The following CNTN3 variants were observed in gnomAD, a reference collection of about 807,000 sequenced individuals.
CNTN3 encodes the protein contactin-3.
In CNTN3, 60 loss-of-function variants were observed where a neutral mutation model predicts 119.1. The observed-to-expected ratio is 0.50, with a 90% CI of 0.41 to 0.62. CNTN3 has a LOEUF of 0.62. Among genes scored for constraint, CNTN3 ranks in the 20% least tolerant of loss-of-function variants. The probability of loss-of-function intolerance (pLI) is 0.00; values close to 1 mark genes in which losing one functional copy is unlikely to be tolerated. For synonymous variants in CNTN3, 450 were observed against 438.7 expected, an observed-to-expected ratio of 1.03 and a Z score of -0.32; for missense variants, 1,101 against 1,242.4, an observed-to-expected ratio of 0.89 and a Z score of 1.71.
At chr3:74,299,596 G>A (rs1487532182) in intron 17 of CNTN3, among the ~76,000 whole-genome samples, 2 of 152,152 alleles carry the variant, frequency 1.3e-5, no homozygotes, top group East Asian at 3.8e-4. Context: ...AGGATGACAT[G>A]AGGAAAATAC....
intron 13 of CNTN3, among the ~76,000 whole-genome samples, chr3:74,318,850 G>A (rs1702906345): frequency 6.6e-6 from 1 of 152,152 alleles, no homozygotes; most frequent in Non-Finnish European, 1.5e-5. Context: ...ATTTCCAGCT[G>A]CATGCTGGGA....
rs115135442 is a variant in CNTN3 at position 74,456,613 on chromosome 3, G to A, written c.358+29843C>T. ...GAGGTATGTGCTGGTGAAAGTACCC[G>A]ACATTCGCACAGGTGGCAGGTGTGG... On this transcript the variant is annotated intron_variant, in intron 4 of 22. Transcript: ENST00000263665. 5.6e-3 allele frequency among the ~76,000 whole-genome samples: 855 copies of A among 152,178 alleles called. 7 individuals are homozygous for A. Among genetic ancestry groups the A allele is most frequent in the African/African-American group, 0.02 (824 of 41,544 alleles).
At chr3:74,499,526 T>C (rs1443992003) in intron 3 of CNTN3, 133 bp downstream of exon 3, 3 of 724,246 alleles carry the variant, frequency 4.1e-6, no homozygotes, top group South Asian at 2.2e-5. Context: ...CTGTTGAATA[T>C]ATCATACAAC....
chr3:74,361,915 C>T lies in CNTN3; in HGVS notation c.1339G>A (p.Asp447Asn), dbSNP rs756127880. ...PRALSSWKKG[D>N]VSVQEHERIS... ...CTTTCATGCTCCTGCACGCTCACAT[C>T]CCCCTTCTTCCAGGAAGAGAGTGCC... The change falls in exon 11 of 23, where the codon GAT (aspartate) becomes AAT (asparagine). Residue 447 changes from aspartate to asparagine, a missense_variant. Transcript: ENST00000263665. The T allele has an allele frequency of 1.2e-6, 2 of 1,613,082 alleles. No homozygotes were observed. Among genetic ancestry groups the T allele is most frequent in the African/African-American group, 1.3e-5 (1 of 74,860 alleles).
At chr3:74,505,740 T>G (rs1217700411) in intron 2 of CNTN3, among the ~76,000 whole-genome samples, 1 of 151,858 alleles carries the variant, frequency 6.6e-6, no homozygotes, top group African/African-American at 2.4e-5. Context: ...GAAAGGAAAA[T>G]AAAATACTTA....
At chr3:74,565,812 T>C (rs1261470336) in intron 1 of CNTN3, among the ~76,000 whole-genome samples, 1 of 152,138 alleles carries the variant, frequency 6.6e-6, no homozygotes, top group Non-Finnish European at 1.5e-5. Flanking sequence ...TGTATTGACA[T>C]GGTTTGGCTG....
intron 4 of CNTN3, among the ~76,000 whole-genome samples, chr3:74,473,418 T>C (rs1702600765): frequency 1.3e-5 from 2 of 152,220 alleles, no homozygotes; most frequent in African/African-American, 4.8e-5. Context: ...TTGGCCTATT[T>C]AGTGCTTTTA....
At chr3:74,518,595 C>T (rs1401499741) in intron 2 of CNTN3, among the ~76,000 whole-genome samples, 2 of 151,920 alleles carry the variant, frequency 1.3e-5, no homozygotes, top group Non-Finnish European at 2.9e-5. Context: ...AGTCCAGAGG[C>T]ATTCTTGATC....
At chr3:74,297,008 G>A (rs1342346087) in intron 18 of CNTN3, among the ~76,000 whole-genome samples, 1 of 151,960 alleles carries the variant, frequency 6.6e-6, no homozygotes, top group Non-Finnish European at 1.5e-5. Flanking sequence ...CTCAATATCT[G>A]AGACAGGTAT....
intron 4 of CNTN3, among the ~76,000 whole-genome samples, chr3:74,445,073 T>A (rs184787116): frequency 3.9e-5 from 6 of 152,290 alleles, no homozygotes; most frequent in Admixed American, 2.0e-4. Flanking sequence ...ACTACTGCGG[T>A]ATTGCTCCAC....
intron 2 of CNTN3, among the ~76,000 whole-genome samples, chr3:74,501,886 G>T (rs895560447): frequency 6.6e-6 from 1 of 151,814 alleles, no homozygotes; most frequent in South Asian, 2.1e-4. Flanking sequence ...ATTTAAAAGA[G>T]GCAATATTGC....
chr3:74,523,400 T>C (rs1703571697), intron 1 of CNTN3, among the ~76,000 whole-genome samples: 1 of 151,870 alleles, frequency 6.6e-6, no homozygotes, highest in Admixed American at 6.6e-5. Context: ...TGAGATACAT[T>C]AATCTGATAC....
At chr3:74,315,925 TA>T (rs966042259) in intron 13 of CNTN3, among the ~76,000 whole-genome samples, 5 of 152,180 alleles carry the variant, frequency 3.3e-5, no homozygotes, top group Non-Finnish European at 7.4e-5. Context: ...ATACTCTTTT[TA>T]ATACTGGCCT....
chr3:74,369,929 T>C lies in CNTN3; in HGVS notation c.721A>G (p.Lys241Glu), dbSNP rs763264982. The change falls in exon 7 of 23, where the codon AAA (lysine) becomes GAA (glutamate). Residue 241 changes from lysine (K) to glutamate (E), a missense_variant. Transcript: ENST00000263665. ...VQFPETLPAAKGSTVKLECFA... is the reference protein window; with the variant it reads ...VQFPETLPAAEGSTVKLECFA... ...CATTCCAATTTCACAGTCGAACCTT[T>C]AGCTGCTGGAAGAGTTTCTGGAAAC... 1 of 1,609,496 alleles carries C rather than the reference T, an allele frequency of 6.2e-7. No individual in the cohort carries two copies. Among genetic ancestry groups the C allele is most frequent in the South Asian group, 1.1e-5 (1 of 90,746 alleles).
chr3:74,348,400 C>T (rs964118026), intron 11 of CNTN3, among the ~76,000 whole-genome samples: 2 of 152,130 alleles, frequency 1.3e-5, no homozygotes, highest in Admixed American at 1.3e-4. Flanking sequence ...ATTTGGATAG[C>T]TTGTGACTCA....
At chr3:74,561,585 A>C (rs1167302847) in intron 1 of CNTN3, among the ~76,000 whole-genome samples, 5 of 152,174 alleles carry the variant, frequency 3.3e-5, no homozygotes, top group African/African-American at 1.2e-4. Flanking sequence ...GTCTCTGCTC[A>C]GCAGAGGCCT....
At chr3:74,442,107 C>A (rs1701975554) in intron 4 of CNTN3, among the ~76,000 whole-genome samples, 1 of 151,454 alleles carries the variant, frequency 6.6e-6, no homozygotes, top group Admixed American at 6.6e-5. Flanking sequence ...TGTTAGATGA[C>A]AAGGTAACCT....
intron 3 of CNTN3, 23 bp downstream of exon 3, chr3:74,499,636 A>T (rs1229964985): frequency 1.3e-5 from 21 of 1,577,536 alleles, no homozygotes; most frequent in Non-Finnish European, 1.7e-5. Flanking sequence ...TTTTTATTTG[A>T]ATTTTCAAAC....
chr3:74,398,212 A>G (rs1021832599), intron 5 of CNTN3, among the ~76,000 whole-genome samples: 5 of 152,192 alleles, frequency 3.3e-5, no homozygotes, highest in African/African-American at 1.2e-4. Flanking sequence ...CATGCTATGG[A>G]TAAATCTTTT....
Sources: allele counts gnomAD v4.1 joint callset (sites outside exome capture counted in the v4.1 genomes callset), GRCh38; gene constraint gnomAD v4.1.1; transcripts MANE v1.5; gene names NCBI Gene and HGNC (gene_info 2026-07-23, HGNC 2026-07-21).